CSMD3: variants seen among roughly 807,000 people sequenced by gnomAD.
CSMD3 encodes the protein CUB and sushi domain-containing protein 3.
Under a neutral mutation model 435.2 loss-of-function variants are expected in CSMD3, and 177 were observed. That is an observed-to-expected ratio of 0.41 (90% CI 0.36 to 0.46). The LOEUF (loss-of-function observed/expected upper bound fraction) is 0.46, where lower values mean the gene tolerates loss of function less well. CSMD3 is among the 20% of genes least tolerant of loss of function. CSMD3 has a pLI of 0.34. For missense variants in CSMD3, 4,265 were observed against 4,504.6 expected, an observed-to-expected ratio of 0.95 and a Z score of 1.52; for synonymous variants, 1,656 against 1,520.5, an observed-to-expected ratio of 1.09 and a Z score of -2.07.
At position 112,645,089 on chromosome 8, in the gene CSMD3, T is replaced by C. The variant is rs376475110; in HGVS notation, c.3310+20A>G. ...AAAATTCAGAAGATAGTCCAATTAT[T>C]ATTTCATGAGGCAAATTACCTTTTC... On this transcript the variant is annotated intron_variant, in intron 20 of 70. Transcript: ENST00000297405. 3.3e-5 allele frequency: 38 copies of C among 1,138,530 alleles called. No homozygotes were observed. Among genetic ancestry groups the C allele is most frequent in the Non-Finnish European group, 5.0e-5 (37 of 745,962 alleles). The allele number at this position is 1,138,530 out of a possible 1,614,324, so 70.5% of individuals were successfully genotyped here.
intron 24 of CSMD3, among the ~76,000 whole-genome samples, chr8:112,568,057 G>T (rs1041547575): frequency 3.9e-5 from 6 of 152,304 alleles, no homozygotes; most frequent in African/African-American, 1.4e-4. Flanking sequence ...CAATAAGGGA[G>T]TTGGATTCTG....
At chr8:113,340,430 C>T (rs1588552817) in intron 1 of CSMD3, among the ~76,000 whole-genome samples, 2 of 152,076 alleles carry the variant, frequency 1.3e-5, no homozygotes, top group African/African-American at 4.8e-5. Flanking sequence ...AACCTACATA[C>T]TTATTCATTA....
chr8:113,137,043 T>G (rs529721208), intron 4 of CSMD3, among the ~76,000 whole-genome samples: 1 of 151,754 alleles, frequency 6.6e-6, no homozygotes, highest in South Asian at 2.1e-4. Flanking sequence ...TATTAAGATA[T>G]ACCTAAGCAA....
At chr8:112,443,895 T>G (rs1374576228) in intron 32 of CSMD3, among the ~76,000 whole-genome samples, 1 of 152,144 alleles carries the variant, frequency 6.6e-6, no homozygotes, top group Non-Finnish European at 1.5e-5. Context: ...TGTCAGACCC[T>G]GCATCATTAT....
At chr8:113,198,914 A>T (rs1049355473) in intron 3 of CSMD3, among the ~76,000 whole-genome samples, 2 of 151,370 alleles carry the variant, frequency 1.3e-5, no homozygotes, top group African/African-American at 2.4e-5. Flanking sequence ...GAAATTACTT[A>T]AAAAAGCAAT....
At chr8:112,866,918 T>C (rs1404008049) in intron 10 of CSMD3, among the ~76,000 whole-genome samples, 1 of 152,154 alleles carries the variant, frequency 6.6e-6, no homozygotes, top group Non-Finnish European at 1.5e-5. Context: ...TGAGTGAGTA[T>C]GTACAGCTCA....
chr8:112,898,752 A>C (rs1298041418), intron 10 of CSMD3, among the ~76,000 whole-genome samples: 2 of 151,380 alleles, frequency 1.3e-5, no homozygotes, highest in Middle Eastern at 3.4e-3. Context: ...TTTATTTTTA[A>C]AATCACAGTA....
intron 21 of CSMD3, among the ~76,000 whole-genome samples, chr8:112,638,443 T>G (rs368243918): frequency 6.6e-6 from 1 of 151,144 alleles, no homozygotes. Flanking sequence ...ATTAAAGAAA[T>G]GTAATTATTG....
intron 61 of CSMD3, among the ~76,000 whole-genome samples, chr8:112,260,064 A>T (rs1816233397): frequency 6.6e-6 from 1 of 152,182 alleles, no homozygotes; most frequent in Non-Finnish European, 1.5e-5. Flanking sequence ...AGGTTTAGAG[A>T]CTTAAGACAC....
At chr8:113,084,297 C>A (rs1910591) in intron 5 of CSMD3, among the ~76,000 whole-genome samples, 3 of 151,952 alleles carry the variant, frequency 2.0e-5, no homozygotes, top group Non-Finnish European at 4.4e-5. Flanking sequence ...AGCAGTATTT[C>A]TATTCACTAA....
At chr8:113,206,457 T>G (rs1248518148) in intron 3 of CSMD3, among the ~76,000 whole-genome samples, 1 of 152,192 alleles carries the variant, frequency 6.6e-6, no homozygotes, top group East Asian at 1.9e-4. Flanking sequence ...ATTCTATTTT[T>G]TCTATTTGTA....
chr8:112,658,878 C>G (rs2075314855), intron 17 of CSMD3, among the ~76,000 whole-genome samples: 1 of 152,108 alleles, frequency 6.6e-6, no homozygotes, highest in Non-Finnish European at 1.5e-5. Context: ...TCACTTGAAC[C>G]TGGGAGGCGG....
chr8:113,167,505 A>AT (rs1430848052), intron 4 of CSMD3, among the ~76,000 whole-genome samples: 19 of 152,296 alleles, frequency 1.2e-4, no homozygotes, highest in African/African-American at 4.3e-4. Context: ...ATCACTTTAG[A>AT]TACTACTAAA....
chr8:112,825,342 C>T (rs980590884), intron 12 of CSMD3, among the ~76,000 whole-genome samples: 1 of 152,124 alleles, frequency 6.6e-6, no homozygotes, highest in Non-Finnish European at 1.5e-5. Context: ...AGTTCTGTGC[C>T]CTTGCTGGAG....
chr8:113,429,370 C>T (rs953071737), intron 1 of CSMD3, among the ~76,000 whole-genome samples: 1 of 151,654 alleles, frequency 6.6e-6, no homozygotes, highest in African/African-American at 2.4e-5. Flanking sequence ...GATTTAAAAG[C>T]TTTTAAGTAA....
At chr8:112,895,868 CA>C (rs1432468161) in intron 10 of CSMD3, among the ~76,000 whole-genome samples, 2 of 151,214 alleles carry the variant, frequency 1.3e-5, no homozygotes, top group Non-Finnish European at 3.0e-5. Context: ...GGAGATAATG[CA>C]AAACAGATGC....
At chr8:113,428,129 C>T (rs893393409) in intron 1 of CSMD3, among the ~76,000 whole-genome samples, 1 of 151,506 alleles carries the variant, frequency 6.6e-6, no homozygotes, top group African/African-American at 2.4e-5. Flanking sequence ...ATTTAGAGAA[C>T]AAAATTAGTC....
chr8:113,285,538 C>T (rs1302054838), intron 2 of CSMD3, among the ~76,000 whole-genome samples: 2 of 152,104 alleles, frequency 1.3e-5, no homozygotes, highest in African/African-American at 4.8e-5. Context: ...GGATTACAGG[C>T]GTGAGCCACC....
intron 6 of CSMD3, among the ~76,000 whole-genome samples, chr8:113,014,683 C>A (rs1156255829): frequency 6.6e-6 from 1 of 151,942 alleles, no homozygotes; most frequent in Non-Finnish European, 1.5e-5. Flanking sequence ...TTAACTACCC[C>A]CAAGGGAAGG....
Sources: allele counts gnomAD v4.1 joint callset (sites outside exome capture counted in the v4.1 genomes callset), GRCh38; gene constraint gnomAD v4.1.1; transcripts MANE v1.5; gene names NCBI Gene and HGNC (gene_info 2026-07-23, HGNC 2026-07-21).